ZBTB7C: variants seen among roughly 807,000 people sequenced by gnomAD.
The protein encoded by ZBTB7C is zinc finger and BTB domain-containing protein 7C.
ZBTB7C carries 8 observed loss-of-function variants against 25.7 expected under a neutral mutation model. The observed-to-expected ratio is 0.31, with a 90% CI of 0.18 to 0.56. The LOEUF (loss-of-function observed/expected upper bound fraction) is 0.56. Ranked by LOEUF, ZBTB7C falls within the 20% of genes least tolerant of loss-of-function variation. The pLI is 0.91. For synonymous variants in ZBTB7C, 394 were observed against 369.0 expected (o/e 1.07, Z -0.78); for missense variants, 824 against 855.2 (o/e 0.96, Z 0.46).
chr18:48,171,501 CT>C lies in ZBTB7C; in HGVS notation c.-17+14432del. Reference sequence around the variant, plus strand: ...GGAGCTGATCTCAGCAACTATGCGGCTGGAAGGAGCCTGGAAAATCCACTGT... The same window carrying C: ...GGAGCTGATCTCAGCAACTATGCGGCGGAAGGAGCCTGGAAAATCCACTGT... On this transcript the variant is annotated intron_variant, in intron 3 of 4. Coordinates refer to ENST00000590800, the MANE Select transcript of ZBTB7C (RefSeq NM_001318841.2). Among the ~76,000 whole-genome samples, 5 of 152,378 alleles carry C rather than the reference CT, an allele frequency of 3.3e-5. 1 individual carries two copies. The Middle Eastern group carries it at 0.014, about 415-fold the overall frequency.
chr18:48,227,274 C>T (rs954575543), intron 2 of ZBTB7C, among the ~76,000 whole-genome samples: 16 of 152,194 alleles, frequency 1.1e-4, no homozygotes, highest in Admixed American at 8.5e-4. Context: ...AATGCTGCTG[C>T]TGCTGCAGCT....
intron 3 of ZBTB7C, among the ~76,000 whole-genome samples, chr18:48,141,235 G>A (rs1226436413): frequency 6.7e-6 from 1 of 148,624 alleles, no homozygotes; most frequent in African/African-American, 2.5e-5. Context: ...TTTGGGTCTT[G>A]CAGGAATGTC....
intron 4 of ZBTB7C, among the ~76,000 whole-genome samples, chr18:48,033,980 GGCTTCT>G (rs1568160332): frequency 6.6e-6 from 1 of 152,136 alleles, no homozygotes; most frequent in African/African-American, 2.4e-5. Flanking sequence ...CTGGGTAATG[GGCTTCT>G]GCCAAATCTC....
intron 3 of ZBTB7C, among the ~76,000 whole-genome samples, chr18:48,044,708 A>G (rs1277565551): frequency 2.6e-5 from 4 of 152,252 alleles, no homozygotes; most frequent in African/African-American, 7.2e-5. Flanking sequence ...TTCCATTTAT[A>G]TAACAGGACC....
At chr18:48,124,257 T>C (rs2039726995) in intron 3 of ZBTB7C, among the ~76,000 whole-genome samples, 1 of 152,170 alleles carries the variant, frequency 6.6e-6, no homozygotes, top group Non-Finnish European at 1.5e-5. Context: ...CAGGCAAGCC[T>C]GGGATGGCAG....
intron 3 of ZBTB7C, among the ~76,000 whole-genome samples, chr18:48,071,267 G>A (rs367864472): frequency 3.9e-5 from 6 of 152,268 alleles, no homozygotes; most frequent in East Asian, 1.9e-4. Flanking sequence ...TCTAAGAAAC[G>A]TCTGGTCATT....
chr18:48,108,773 C>T (rs1328531303), intron 3 of ZBTB7C, among the ~76,000 whole-genome samples: 1 of 152,050 alleles, frequency 6.6e-6, no homozygotes, highest in African/African-American at 2.4e-5. Flanking sequence ...CCAGCTCTTA[C>T]TGTGTGGGAC....
chr18:48,216,409 AAGCAGTTGCATAACCT>A (rs2042823879), intron 2 of ZBTB7C, among the ~76,000 whole-genome samples: 1 of 152,116 alleles, frequency 6.6e-6, no homozygotes, highest in African/African-American at 2.4e-5. Flanking sequence ...GACACATTGG[AAGCAGTTGCATAACCT>A]TGCAGAATCA....
Position 48,226,558 on chromosome 18 carries a change from A to G in ZBTB7C, c.-78-40563T>C, listed in dbSNP as rs368315457. The stretch of plus-strand genomic sequence containing the variant: ...GCCAGGCATTTTAGATTGCATGTGC[A>G]TGACTGCACTGCAAGCACCTGGGGG... On this transcript the variant is annotated intron_variant, in intron 2 of 4. Coordinates refer to ENST00000590800, the MANE Select transcript of ZBTB7C (RefSeq NM_001318841.2). Among the ~76,000 whole-genome samples, 40 of 152,330 alleles carry G rather than the reference A, an allele frequency of 2.6e-4. 1 individual carries two copies. In the South Asian group the frequency reaches 7.9e-3, roughly 30 times the overall value.
chr18:48,190,709 G>A (rs950789168), intron 2 of ZBTB7C, among the ~76,000 whole-genome samples: 2 of 152,304 alleles, frequency 1.3e-5, no homozygotes, highest in South Asian at 2.1e-4. Context: ...TGCATGGGAG[G>A]CCCAAGGCAC....
At chr18:48,301,649 C>T (rs763949445) in intron 2 of ZBTB7C, among the ~76,000 whole-genome samples, 9 of 152,032 alleles carry the variant, frequency 5.9e-5, no homozygotes, top group Non-Finnish European at 8.8e-5. Flanking sequence ...AATATTTAAG[C>T]GAGGCTAGTG....
At chr18:48,235,924 T>A (rs1257556365) in intron 2 of ZBTB7C, among the ~76,000 whole-genome samples, 1 of 152,220 alleles carries the variant, frequency 6.6e-6, no homozygotes, top group Non-Finnish European at 1.5e-5. Context: ...CATTTATCTT[T>A]ATGAGATCAA....
intron 3 of ZBTB7C, among the ~76,000 whole-genome samples, chr18:48,175,998 G>A (rs571522048): frequency 2.0e-5 from 3 of 152,164 alleles, no homozygotes; most frequent in Non-Finnish European, 4.4e-5. Context: ...CTACATCTAG[G>A]GAGAGACCGA....
At chr18:48,223,353 A>G (rs2043007218) in intron 2 of ZBTB7C, among the ~76,000 whole-genome samples, 1 of 152,184 alleles carries the variant, frequency 6.6e-6, no homozygotes, top group Admixed American at 6.5e-5. Context: ...TTCTAGAAAC[A>G]TATCCTGGAA....
At chr18:48,335,017 T>C (rs1041115755) in intron 2 of ZBTB7C, among the ~76,000 whole-genome samples, 4 of 152,178 alleles carry the variant, frequency 2.6e-5, no homozygotes, top group Non-Finnish European at 4.4e-5. Flanking sequence ...CTGGCATAGA[T>C]AGAGCACCAG....
chr18:48,280,203 G>A (rs527720683), intron 2 of ZBTB7C, among the ~76,000 whole-genome samples: 3 of 152,210 alleles, frequency 2.0e-5, no homozygotes, highest in African/African-American at 4.8e-5. Context: ...GGAGTGGGCA[G>A]GAAAGGTACC....
At chr18:48,211,872 C>T (rs912846425) in intron 2 of ZBTB7C, among the ~76,000 whole-genome samples, 6 of 152,176 alleles carry the variant, frequency 3.9e-5, no homozygotes, top group Non-Finnish European at 7.3e-5. Flanking sequence ...CTTATGTCTA[C>T]ACAAAAACCT....
intron 2 of ZBTB7C, among the ~76,000 whole-genome samples, chr18:48,274,343 T>G (rs1226153754): frequency 6.6e-6 from 1 of 152,158 alleles, no homozygotes; most frequent in Non-Finnish European, 1.5e-5. Context: ...TGTTTTGTCT[T>G]GTTTTGTTTT....
chr18:48,309,575 GAT>G (rs1366505393), intron 2 of ZBTB7C, among the ~76,000 whole-genome samples: 2 of 152,124 alleles, frequency 1.3e-5, no homozygotes, highest in East Asian at 3.9e-4. Flanking sequence ...AGACCTATAC[GAT>G]ATGTTTTTAA....
Sources: gnomAD v4.1 joint callset for allele counts (sites outside exome capture counted in the v4.1 genomes callset) on GRCh38, gnomAD v4.1.1 for gene constraint, MANE v1.5 for transcripts, NCBI Gene and HGNC (gene_info 2026-07-23, HGNC 2026-07-21) for gene names.